MCM9: variants seen among roughly 807,000 people sequenced by gnomAD.
The protein encoded by MCM9 is DNA helicase MCM9.
A neutral mutation model predicts 72.8 loss-of-function variants in MCM9; 55 were observed. The ratio of observed to expected loss-of-function variants is 0.76; its 90% CI spans 0.61 to 0.95. The LOEUF (loss-of-function observed/expected upper bound fraction) is 0.95, where lower values mean the gene tolerates loss of function less well. Ranked by LOEUF, MCM9 falls within the 40% of genes least tolerant of loss-of-function variation. The pLI is 0.00. For missense variants in MCM9, 1,279 were observed against 1,377.0 expected (o/e 0.93, Z 1.13); for synonymous variants, 480 against 503.4 (o/e 0.95, Z 0.62).
intron 7 of MCM9, chr6:118,912,004 A>G (rs1162919793): frequency 9.2e-6 from 3 of 325,160 alleles, no homozygotes; most frequent in African/African-American, 2.1e-5. Flanking sequence ...CCAGATGTTC[A>G]GGCCTATGTT....
chr6:118,852,825 G>A (rs945938007), intron 9 of MCM9, among the ~76,000 whole-genome samples: 1 of 152,096 alleles, frequency 6.6e-6, no homozygotes, highest in African/African-American at 2.4e-5. Context: ...CCCCCTAGCA[G>A]AAATTTCTGA....
intron 13 of MCM9, among the ~76,000 whole-genome samples, chr6:118,825,212 T>C (rs1158271654): frequency 6.6e-6 from 1 of 152,254 alleles, no homozygotes; most frequent in African/African-American, 2.4e-5. Flanking sequence ...ATAACTTTGA[T>C]CTTGGCACCA....
chr6:118,828,304 T>A (rs1459250998), intron 10 of MCM9, among the ~76,000 whole-genome samples, 174 bp from the exon 11 acceptor site: 1 of 152,224 alleles, frequency 6.6e-6, no homozygotes, highest in Non-Finnish European at 1.5e-5. Flanking sequence ...GATCTAAGCT[T>A]AATAAAGGTA....
intron 9 of MCM9, among the ~76,000 whole-genome samples, chr6:118,845,621 A>G (rs1021394931): frequency 1.3e-5 from 2 of 151,880 alleles, no homozygotes; most frequent in African/African-American, 4.9e-5. Flanking sequence ...TATCTAGCAC[A>G]GGATGTTCAA....
chr6:118,834,216 T>C (rs1583369853), intron 9 of MCM9, among the ~76,000 whole-genome samples: 1 of 152,232 alleles, frequency 6.6e-6, no homozygotes, highest in East Asian at 1.9e-4. Context: ...CTGCATAGTA[T>C]TCCGTGGTAT....
chr6:118,931,989 C>A (rs535160533), intron 2 of MCM9, among the ~76,000 whole-genome samples: 1 of 152,252 alleles, frequency 6.6e-6, no homozygotes, highest in East Asian at 1.9e-4. Flanking sequence ...CAAAATAGTT[C>A]AAAGCATTTC....
chr6:118,922,837 A>G (rs761503275), intron 4 of MCM9, among the ~76,000 whole-genome samples: 1 of 152,216 alleles, frequency 6.6e-6, no homozygotes, highest in Middle Eastern at 3.4e-3. Context: ...GTTTGAGACC[A>G]GTCTGACCAA....
chr6:118,863,821 T>C (rs1451004253), intron 8 of MCM9, among the ~76,000 whole-genome samples: 1 of 152,184 alleles, frequency 6.6e-6, no homozygotes, highest in Non-Finnish European at 1.5e-5. Context: ...ACCTCTACAT[T>C]GTACTTCCTA....
At chr6:118,903,595 A>C (rs1779959263) in intron 8 of MCM9, among the ~76,000 whole-genome samples, 1 of 152,220 alleles carries the variant, frequency 6.6e-6, no homozygotes, top group African/African-American at 2.4e-5. Context: ...AAAGGAATCT[A>C]TTGATTCTAC....
intron 8 of MCM9, among the ~76,000 whole-genome samples, chr6:118,876,354 C>T (rs1777930942): frequency 6.6e-6 from 1 of 152,152 alleles, no homozygotes; most frequent in African/African-American, 2.4e-5. Flanking sequence ...ATGTACAACA[C>T]TGAGTGAATC....
chr6:118,859,915 G>T (rs995448277), intron 8 of MCM9, among the ~76,000 whole-genome samples: 1 of 152,186 alleles, frequency 6.6e-6, no homozygotes, highest in Non-Finnish European at 1.5e-5. Context: ...AAAAAACTGA[G>T]AAGCACGTGT....
At position 118,923,694 on chromosome 6, in the gene MCM9, A is replaced by G. The variant is rs1462042322; in HGVS notation, c.621+117T>C. The G allele has an allele frequency of 5.6e-6, 5 of 896,636 alleles. No individual in the cohort carries two copies. The Admixed American group carries it at 1.3e-4, about 23-fold the overall frequency. The allele number at this position is 896,636 out of a possible 1,614,324, so 55.5% of individuals were successfully genotyped here. A position where few individuals can be genotyped will look rare whatever the true frequency, so the allele number is the denominator to read the frequency against. On this transcript the variant is annotated intron_variant, in intron 4 of 13. Coordinates refer to ENST00000619706, the MANE Select transcript of MCM9 (RefSeq NM_017696.3). ...GGAACAGTTTCGAGCTTGATCTTCC[A>G]CAAAGTGACAACACAAGTACATTTG...
intron 9 of MCM9, among the ~76,000 whole-genome samples, chr6:118,838,984 A>C (rs1320552243): frequency 2.0e-5 from 3 of 151,974 alleles, no homozygotes; most frequent in South Asian, 4.1e-4. Flanking sequence ...CTGTCCTGCT[A>C]GGTAGTTTTC....
At chr6:118,850,956 C>T (rs1029569171) in intron 9 of MCM9, among the ~76,000 whole-genome samples, 4 of 151,602 alleles carry the variant, frequency 2.6e-5, no homozygotes. Flanking sequence ...GTAGCTGGGA[C>T]TACAGGCGCA....
intron 8 of MCM9, among the ~76,000 whole-genome samples, chr6:118,868,537 T>C (rs1362491467): frequency 6.6e-6 from 1 of 151,886 alleles, no homozygotes; most frequent in African/African-American, 2.4e-5. Flanking sequence ...AAAGGGCTAA[T>C]ATCCAGAATC....
At chr6:118,925,626 A>G (rs1781831680) in intron 3 of MCM9, among the ~76,000 whole-genome samples, 1 of 152,210 alleles carries the variant, frequency 6.6e-6, no homozygotes, top group South Asian at 2.1e-4. Context: ...GCCATTGCCA[A>G]CATTTGCCCC....
chr6:118,896,969 C>G (rs1428097241), intron 8 of MCM9, among the ~76,000 whole-genome samples: 1 of 152,030 alleles, frequency 6.6e-6, no homozygotes. Context: ...TCCTGAATAG[C>G]TGGGACCATA....
intron 9 of MCM9, among the ~76,000 whole-genome samples, chr6:118,848,458 C>T (rs138684930): frequency 0.18 from 27,712 of 151,722 alleles, 3,333 homozygotes; most frequent in Non-Finnish European, 0.27. Flanking sequence ...TGGAACACAG[C>T]CACTCCCATC....
intron 8 of MCM9, chr6:118,894,486 G>A: frequency 6.5e-7 from 1 of 1,537,192 alleles, no homozygotes; most frequent in Non-Finnish European, 8.7e-7. Flanking sequence ...GTTCCAGTTC[G>A]AGATCACCTT....
Sources: gnomAD v4.1 joint callset for allele counts (sites outside exome capture counted in the v4.1 genomes callset) on GRCh38, gnomAD v4.1.1 for gene constraint, MANE v1.5 for transcripts, NCBI Gene and HGNC (gene_info 2026-07-23, HGNC 2026-07-21) for gene names.